The following TNFRSF13B variants were observed in gnomAD, a reference collection of about 807,000 sequenced individuals.
The protein encoded by TNFRSF13B is TNF receptor superfamily member 13B.
Under a neutral mutation model 24.0 loss-of-function variants are expected in TNFRSF13B, and 34 were observed. That is an observed-to-expected ratio of 1.41 (90% CI 1.08 to 1.88). The LOEUF is 1.88. Among genes scored for constraint, TNFRSF13B ranks in the 40% most tolerant of loss-of-function variants. The pLI, the probability that TNFRSF13B is intolerant of heterozygous loss-of-function variation, is 0.00. For missense variants in TNFRSF13B, 415 were observed against 380.8 expected, an observed-to-expected ratio of 1.09 and a Z score of -0.75; for synonymous variants, 173 against 150.3, an observed-to-expected ratio of 1.15 and a Z score of -1.10.
chr17:16,962,641 G>A (rs1190477641), intron 1 of TNFRSF13B, among the ~76,000 whole-genome samples: 1 of 152,304 alleles, frequency 6.6e-6, no homozygotes, highest in African/African-American at 2.4e-5. Context: ...CAAATAAGGT[G>A]GAGATGTGGA....
intron 3 of TNFRSF13B, among the ~76,000 whole-genome samples, chr17:16,948,038 A>T (rs1461638952): frequency 6.6e-6 from 1 of 152,256 alleles, no homozygotes; most frequent in African/African-American, 2.4e-5. Flanking sequence ...CGTTTTTTGC[A>T]GCAACATGGA....
chr17:16,945,354 C>T (rs1445018636), intron 3 of TNFRSF13B, among the ~76,000 whole-genome samples: 1 of 152,222 alleles, frequency 6.6e-6, no homozygotes, highest in Non-Finnish European at 1.5e-5. Context: ...CCAGGGGCAA[C>T]AGTTCACCGC....
intron 2 of TNFRSF13B, among the ~76,000 whole-genome samples, chr17:16,952,020 G>T (rs1165517219): frequency 7.2e-5 from 11 of 152,192 alleles, no homozygotes; most frequent in Non-Finnish European, 2.9e-5. Context: ...GGGCGTCATT[G>T]TGCTGTCCTC....
intron 3 of TNFRSF13B, among the ~76,000 whole-genome samples, chr17:16,946,580 A>T (rs571313051): frequency 0.051 from 7,455 of 146,806 alleles, 207 homozygotes; most frequent in South Asian, 0.11. Flanking sequence ...TTTTATTTTT[A>T]TTTATTTATT....
intron 1 of TNFRSF13B, among the ~76,000 whole-genome samples, chr17:16,960,916 ACAACT>A (rs1224416501): frequency 6.6e-6 from 1 of 152,320 alleles, no homozygotes; most frequent in South Asian, 2.1e-4. Context: ...AAAAAACCAA[ACAACT>A]CAAGTCAAAA....
chr17:16,954,506 G>A (rs2087612106), intron 1 of TNFRSF13B, among the ~76,000 whole-genome samples: 1 of 152,230 alleles, frequency 6.6e-6, no homozygotes, highest in South Asian at 2.1e-4. Flanking sequence ...TCTATCTTCA[G>A]AGATCAAGGG....
intron 3 of TNFRSF13B, among the ~76,000 whole-genome samples, chr17:16,946,465 C>T (rs1310860093): frequency 1.3e-5 from 2 of 152,224 alleles, no homozygotes; most frequent in Non-Finnish European, 2.9e-5. Flanking sequence ...ATGCCTGGCA[C>T]TTACCAGATG....
chr17:16,953,986 C>G (rs1209790997), intron 1 of TNFRSF13B, among the ~76,000 whole-genome samples: 1 of 152,218 alleles, frequency 6.6e-6, no homozygotes, highest in East Asian at 1.9e-4. Context: ...AGTCTGGTCT[C>G]AAACTCCTGA....
intron 4 of TNFRSF13B, 109 bp downstream of exon 4, chr17:16,940,217 C>G: frequency 6.2e-7 from 1 of 1,607,374 alleles, no homozygotes; most frequent in East Asian, 2.2e-5. Flanking sequence ...CAGGGATGAG[C>G]CCTGGGCCTC....
chr17:16,965,475 C>T (rs1045792794), intron 1 of TNFRSF13B, among the ~76,000 whole-genome samples: 5 of 152,232 alleles, frequency 3.3e-5, no homozygotes, highest in African/African-American at 1.2e-4. Flanking sequence ...AGGCACACAG[C>T]AGGTGCTGGA....
In TNFRSF13B at chr17:16,960,018, G is replaced by A. The variant is rs532861703; in HGVS notation, c.62-7435C>T. Among the ~76,000 whole-genome samples the A allele has an allele frequency of 1.1e-3, 168 of 152,204 alleles. No homozygotes were observed. In the Middle Eastern group the frequency reaches 0.017, roughly 15 times the overall value. ...TTACAATAAAGATGTCACAAGGAGAGAAAATTACACACGAATATGTCTTAT... is the reference window on the plus strand; with the variant it reads ...TTACAATAAAGATGTCACAAGGAGAAAAAATTACACACGAATATGTCTTAT... On this transcript the variant is annotated intron_variant, in intron 1 of 4. Transcript: ENST00000261652.
At chr17:16,940,958 C>A (rs1271538485) in intron 3 of TNFRSF13B, 1 of 1,062,020 alleles carries the variant, frequency 9.4e-7, no homozygotes, top group East Asian at 7.2e-5. Flanking sequence ...GGATCCCCTA[C>A]AGATACCAAA....
rs931791597 is a variant in TNFRSF13B, at chr17:16,941,695, C to T, written c.446-1184G>A. 3.3e-5 allele frequency among the ~76,000 whole-genome samples: 5 copies of T among 152,152 alleles called. No homozygotes were observed. In the South Asian group the frequency reaches 1.0e-3, roughly 32 times the overall value. ...TTTAGCACATCACAAGGTTGTGCAGCAATGGCAACTGTCTAATTGGAGACA... is the reference window on the plus strand; with the variant it reads ...TTTAGCACATCACAAGGTTGTGCAGTAATGGCAACTGTCTAATTGGAGACA... On this transcript the variant is annotated intron_variant, in intron 3 of 4. Coordinates refer to ENST00000261652, the MANE Select transcript of TNFRSF13B (RefSeq NM_012452.3).
chr17:16,971,913 G>A (rs910700467), intron 1 of TNFRSF13B, 102 bp downstream of exon 1: 18 of 1,184,806 alleles, frequency 1.5e-5, no homozygotes, highest in African/African-American at 3.0e-5. Flanking sequence ...TGGATCTGCT[G>A]TGGGCTTTGC....
At chr17:16,954,993 C>T (rs1265089101) in intron 1 of TNFRSF13B, among the ~76,000 whole-genome samples, 7 of 152,244 alleles carry the variant, frequency 4.6e-5, no homozygotes, top group Admixed American at 3.9e-4. Context: ...CCTCCCTACC[C>T]TGCAACTGGC....
In TNFRSF13B at chr17:16,948,768, A is replaced by G. The variant is rs141494621; in HGVS notation, c.415T>C (p.Leu139=). ...CTTGCTTCTGAGCCTCTGTGCTCCA[A>G]TCCTTGGTACCTTCCCGAGTTGTCT... ...NSDNSGRYQG[L]EHRGSEASPA... Residue 139 remains leucine, a synonymous_variant, in exon 3 of 5, where the codon TTG becomes CTG. Coordinates refer to ENST00000261652, the MANE Select transcript of TNFRSF13B (RefSeq NM_012452.3). 355 of 1,614,118 alleles carry G rather than the reference A, an allele frequency of 2.2e-4. 3 individuals carry two copies. In the African/African-American group the frequency reaches 4.2e-3, roughly 19 times the overall value.
chr17:16,941,225 C>T (rs2087507857), intron 3 of TNFRSF13B: 1 of 987,640 alleles, frequency 1.0e-6, no homozygotes, highest in Non-Finnish European at 1.2e-6. Context: ...AATCCACAGA[C>T]ATGGGTCGCA....
chr17:16,948,118 A>G (rs532418908), intron 3 of TNFRSF13B, among the ~76,000 whole-genome samples: 1 of 152,210 alleles, frequency 6.6e-6, no homozygotes, highest in Non-Finnish European at 1.5e-5. Flanking sequence ...CTCACTTATA[A>G]GTGAAATGCT....
Position 16,952,511 on chromosome 17 carries a change from C to G in TNFRSF13B, c.134G>C (p.Gly45Ala), listed in dbSNP as rs777041889. The change falls in exon 2 of 5, where the codon GGT becomes GCT. Residue 45 changes from glycine to alanine, a missense_variant. By Grantham distance (60) the Gly-to-Ala change is moderately conservative. Coordinates refer to ENST00000261652, the MANE Select transcript of TNFRSF13B (RefSeq NM_012452.3). ...AATGGTTTTGCAGGACATGCAGGTACCCAGCAGAGGATCCCAGTACTGCTC... is the reference window on the plus strand; with the variant it reads ...AATGGTTTTGCAGGACATGCAGGTAGCCAGCAGAGGATCCCAGTACTGCTC... ...PEEQYWDPLL[G>A]TCMSCKTICN... is the part of the protein sequence containing the mutation. The G allele has an allele frequency of 1.2e-6, 2 of 1,614,178 alleles. No homozygotes were observed. Among genetic ancestry groups the G allele is most frequent in the Non-Finnish European group, 8.5e-7 (1 of 1,180,020 alleles).
Sources: gnomAD v4.1 joint callset for allele counts (sites outside exome capture counted in the v4.1 genomes callset) on GRCh38, gnomAD v4.1.1 for gene constraint, MANE v1.5 for transcripts, NCBI Gene and HGNC (gene_info 2026-07-23, HGNC 2026-07-21) for gene names.